The following FAM13C variants were observed in gnomAD, a reference collection of about 807,000 sequenced individuals.
The protein encoded by FAM13C is family with sequence similarity 13 member C.
Under a neutral mutation model 73.2 loss-of-function variants are expected in FAM13C, and 37 were observed. The observed-to-expected ratio is 0.51, with a 90% confidence interval of 0.39 to 0.67. The LOEUF (loss-of-function observed/expected upper bound fraction) is 0.67, where lower values mean the gene tolerates loss of function less well. Ranked by LOEUF, FAM13C falls within the 30% of genes least tolerant of loss-of-function variation. The pLI, the probability that FAM13C is intolerant of heterozygous loss-of-function variation, is 0.00. For synonymous variants in FAM13C, 246 were observed against 260.9 expected (o/e 0.94, Z 0.55); for missense variants, 589 against 715.6 (o/e 0.82, Z 2.02).
intron 7 of FAM13C, 132 bp downstream of exon 7, chr10:59,269,767 T>G: frequency 9.3e-7 from 1 of 1,072,622 alleles, no homozygotes; most frequent in Non-Finnish European, 1.3e-6. Flanking sequence ...TTTTTGTCAT[T>G]TATTGTTCCA....
chr10:59,353,342 A>T (rs1855316753), intron 2 of FAM13C, among the ~76,000 whole-genome samples: 1 of 152,196 alleles, frequency 6.6e-6, no homozygotes, highest in South Asian at 2.1e-4. Context: ...CTAAGTATCA[A>T]GCAAACACCA....
intron 4 of FAM13C, among the ~76,000 whole-genome samples, chr10:59,312,063 A>C (rs1390525699): frequency 1.3e-5 from 2 of 151,566 alleles, no homozygotes; most frequent in Non-Finnish European, 1.5e-5. Context: ...ATGAAGATTT[A>C]GATCAGGGAC....
At chr10:59,332,394 G>T (rs1447751686) in intron 3 of FAM13C, among the ~76,000 whole-genome samples, 1 of 152,010 alleles carries the variant, frequency 6.6e-6, no homozygotes, top group Admixed American at 6.6e-5. Flanking sequence ...ACATTTAAGG[G>T]ACAGGCAGAT....
chr10:59,330,243 T>A (rs570121667), intron 3 of FAM13C, among the ~76,000 whole-genome samples: 1 of 152,202 alleles, frequency 6.6e-6, no homozygotes, highest in Non-Finnish European at 1.5e-5. Context: ...CCAGATCACA[T>A]GACTGAGCTA....
At position 59,262,528 on chromosome 10, in the gene FAM13C, G is replaced by C; in HGVS notation, c.1142C>G (p.Pro381Arg). Reference protein sequence around the residue: ...RENGKPEAAGPEPSSSGEETP... With the variant: ...RENGKPEAAGREPSSSGEETP... ...CTCTTCTCCAGAGGAGCTTGGCTCCGGGCCCGCAGCTTCCGGTTTCCCATT... is the reference window on the plus strand; with the variant it reads ...CTCTTCTCCAGAGGAGCTTGGCTCCCGGCCCGCAGCTTCCGGTTTCCCATT... Residue 381 changes from proline to arginine, a missense_variant, in exon 10 of 14, where the codon CCG becomes CGG. By Grantham distance (103) the Pro-to-Arg change is moderately radical (BLOSUM62 -2). Coordinates refer to ENST00000618804, the MANE Select transcript of FAM13C (RefSeq NM_198215.4). 6.2e-7 allele frequency: 1 copy of C among 1,613,734 alleles called. No homozygotes were observed. Among genetic ancestry groups the C allele is most frequent in the South Asian group, 1.1e-5 (1 of 91,060 alleles).
chr10:59,258,833 T>A (rs1302913162), intron 10 of FAM13C, among the ~76,000 whole-genome samples: 4 of 152,138 alleles, frequency 2.6e-5, no homozygotes, highest in Non-Finnish European at 2.9e-5. Context: ...AGTTATTAAT[T>A]TTTTATTGAT....
chr10:59,359,933 C>T (rs1856190656), intron 1 of FAM13C, among the ~76,000 whole-genome samples: 1 of 152,100 alleles, frequency 6.6e-6, no homozygotes, highest in Non-Finnish European at 1.5e-5. Context: ...GGCAATGTCA[C>T]GATTGACCAT....
chr10:59,338,342 C>T (rs1269607412), intron 3 of FAM13C, among the ~76,000 whole-genome samples: 1 of 152,100 alleles, frequency 6.6e-6, no homozygotes, highest in East Asian at 1.9e-4. Context: ...TCTCTTTTTG[C>T]ATCCACAACT....
chr10:59,325,838 T>G (rs905686792), intron 3 of FAM13C, among the ~76,000 whole-genome samples: 2 of 152,110 alleles, frequency 1.3e-5, no homozygotes. Context: ...TTAACCCAAA[T>G]GAGTTCAGCA....
intron 1 of FAM13C, among the ~76,000 whole-genome samples, chr10:59,359,509 G>A (rs1305290414): frequency 6.6e-6 from 1 of 152,198 alleles, no homozygotes; most frequent in African/African-American, 2.4e-5. Flanking sequence ...AGGCAAAGTT[G>A]CAGAGGTACA....
chr10:59,308,366 CTACCACCACCACCAT>C (rs755995284), intron 4 of FAM13C, among the ~76,000 whole-genome samples: 2 of 151,718 alleles, frequency 1.3e-5, no homozygotes, highest in Non-Finnish European at 2.9e-5. Flanking sequence ...ACCACCACCA[CTACCACCACCACCAT>C]TACCACCACC....
At position 59,347,434 on chromosome 10, in the gene FAM13C, G is replaced by A. The variant is rs547061803; in HGVS notation, c.324+4836C>T. Among the ~76,000 whole-genome samples the A allele has an allele frequency of 4.9e-3, 741 of 152,188 alleles. 10 individuals carry two copies. Among genetic ancestry groups the A allele is most frequent in the African/African-American group, 0.017 (703 of 41,520 alleles). On this transcript the variant is annotated intron_variant, in intron 3 of 13. Coordinates refer to ENST00000618804, the MANE Select transcript of FAM13C (RefSeq NM_198215.4). ...TAGAACTTCTGATTCTGACTTTGGC[G>A]ATCAGAATAAAGGTAAGAAAAGTGG...
intron 4 of FAM13C, among the ~76,000 whole-genome samples, chr10:59,321,432 CT>C (rs1057110939): frequency 0.046 from 2,658 of 58,068 alleles, 24 homozygotes; most frequent in Non-Finnish European, 0.061. Context: ...CTGCCAACAC[CT>C]TTTTTTTTTT....
intron 5 of FAM13C, among the ~76,000 whole-genome samples, chr10:59,294,931 A>G (rs531457060): frequency 6.6e-6 from 1 of 152,326 alleles, no homozygotes; most frequent in Admixed American, 6.5e-5. Context: ...TCATGCTTCC[A>G]GAGACCAACA....
chr10:59,318,089 C>A (rs1175447400), intron 4 of FAM13C, among the ~76,000 whole-genome samples: 1 of 151,934 alleles, frequency 6.6e-6, no homozygotes, highest in Non-Finnish European at 1.5e-5. Flanking sequence ...GGTAAGATAA[C>A]AAGTCATTTT....
chr10:59,256,190 A>G (rs1841932232), intron 10 of FAM13C, among the ~76,000 whole-genome samples: 1 of 152,208 alleles, frequency 6.6e-6, no homozygotes, highest in Non-Finnish European at 1.5e-5. Context: ...GGATTTTAAT[A>G]GATGACAGCA....
intron 4 of FAM13C, among the ~76,000 whole-genome samples, chr10:59,308,962 C>A (rs1848614651): frequency 6.6e-6 from 1 of 152,196 alleles, no homozygotes; most frequent in Non-Finnish European, 1.5e-5. Context: ...AGGACAGTGT[C>A]AAACTGCAGG....
rs1840726078 is a variant in FAM13C at position 59,246,558 on chromosome 10, G to T, written c.*1056C>A. 5.1e-6 allele frequency: 2 copies of T among 395,468 alleles called. No homozygotes were observed. The highest frequency in any genetic ancestry group is 2.6e-4 in the South Asian group (2 of 7,600). 24.5% of individuals were successfully genotyped at this position (395,468 alleles called of 1,614,324 possible). A position where few individuals can be genotyped will look rare whatever the true frequency, so the allele number is the denominator to read the frequency against. On this transcript the variant is annotated 3_prime_UTR_variant, in exon 14 of 14. Coordinates refer to ENST00000618804, the MANE Select transcript of FAM13C (RefSeq NM_198215.4). ...ACCTTTTACTTCCTTTTACAAAAAT[G>T]AAAATAATAAACATGTTTTCGTATA...
intron 4 of FAM13C, among the ~76,000 whole-genome samples, chr10:59,318,809 T>G: frequency 6.6e-6 from 1 of 152,050 alleles, no homozygotes; most frequent in Admixed American, 6.6e-5. Flanking sequence ...GCAAGCTGTT[T>G]TTTATCTCTA....
Sources: allele counts gnomAD v4.1 joint callset (sites outside exome capture counted in the v4.1 genomes callset), GRCh38; gene constraint gnomAD v4.1.1; transcripts MANE v1.5; gene names NCBI Gene and HGNC (gene_info 2026-07-23, HGNC 2026-07-21).